Variants in UTP18 observed in about 807,000 individuals in gnomAD.
UTP18 encodes the protein U3 small nucleolar RNA-associated protein 18 homolog.
A neutral mutation model predicts 61.1 loss-of-function variants in UTP18; 36 were observed. That is an observed-to-expected ratio of 0.59 (90% CI 0.45 to 0.78). UTP18 has a LOEUF of 0.78. Ranked by LOEUF, UTP18 falls within the 30% of genes least tolerant of loss-of-function variation. UTP18 has a pLI of 0.00. For synonymous variants in UTP18, 282 were observed against 251.1 expected, an observed-to-expected ratio of 1.12 and a Z score of -1.16; for missense variants, 753 against 693.9, an observed-to-expected ratio of 1.09 and a Z score of -0.96.
At chr17:51,278,100 GTTTATC>G (rs1410098895) in intron 7 of UTP18, among the ~76,000 whole-genome samples, 1 of 152,166 alleles carries the variant, frequency 6.6e-6, no homozygotes, top group Admixed American at 6.5e-5. Context: ...CATTTATGAT[GTTTATC>G]TTTAGCATTT....
At chr17:51,283,734 C>T (rs549742674) in intron 9 of UTP18, among the ~76,000 whole-genome samples, 2 of 152,026 alleles carry the variant, frequency 1.3e-5, no homozygotes, top group South Asian at 2.1e-4. Context: ...ATGCCTCAGC[C>T]TCCCCGAGTA....
intron 12 of UTP18, among the ~76,000 whole-genome samples, chr17:51,294,373 T>C (rs1905306936): frequency 8.2e-6 from 1 of 121,676 alleles, no homozygotes; most frequent in African/African-American, 3.1e-5. Context: ...CAACAGTACC[T>C]GGAGTGTCAT....
chr17:51,280,206 G>A (rs1292138735), intron 8 of UTP18, 101 bp downstream of exon 8: 2 of 1,351,282 alleles, frequency 1.5e-6, no homozygotes, highest in East Asian at 2.5e-5. Context: ...GCATCTCCAA[G>A]TAGAGGAGCA....
At chr17:51,288,390 TTATGTCAC>T (rs1481954420) in intron 11 of UTP18, among the ~76,000 whole-genome samples, 187 bp downstream of exon 11, 2 of 152,236 alleles carry the variant, frequency 1.3e-5, no homozygotes, top group Admixed American at 6.5e-5. Context: ...CCACATTTGA[TTATGTCAC>T]TTCTTTCAGT....
At chr17:51,280,164 C>A in intron 8 of UTP18, 59 bp downstream of exon 8, 1 of 1,521,532 alleles carries the variant, frequency 6.6e-7, no homozygotes, top group Non-Finnish European at 9.1e-7. Context: ...TAGGGATAGT[C>A]TTGCACCTTA....
chr17:51,279,192 T>C (rs1194666274), intron 7 of UTP18, among the ~76,000 whole-genome samples: 1 of 152,242 alleles, frequency 6.6e-6, no homozygotes, highest in African/African-American at 2.4e-5. Flanking sequence ...AACTCTCTTC[T>C]GCTCTGTCTC....
At position 51,264,130 on chromosome 17, in the gene UTP18, G is replaced by A. The variant is rs573695772; in HGVS notation, c.455+744G>A. Among the ~76,000 whole-genome samples, 55 of 151,504 alleles carry A rather than the reference G, an allele frequency of 3.6e-4. No homozygotes were observed. The East Asian group carries it at 8.6e-3, about 24-fold the overall frequency. On this transcript the variant is annotated intron_variant, in intron 2 of 13. Transcript: ENST00000225298. The stretch of plus-strand genomic sequence containing the variant: ...TGGTTCACTGCAACCTCTGCCTCCT[G>A]GGTTCAAGCGATTCTCCTGCCTCAG...
chr17:51,284,121 T>A (rs539354776), intron 9 of UTP18, among the ~76,000 whole-genome samples: 98 of 152,360 alleles, frequency 6.4e-4, no homozygotes, highest in Non-Finnish European at 1.3e-3. Context: ...TTTTCCCAAA[T>A]GTGTTTTACT....
At chr17:51,286,378 C>A (rs961887135) in intron 10 of UTP18, 27 of 427,866 alleles carry the variant, frequency 6.3e-5, no homozygotes, top group Non-Finnish European at 9.9e-5. Context: ...ACAATTGAGC[C>A]ATGAAATGAT....
intron 10 of UTP18, among the ~76,000 whole-genome samples, chr17:51,286,931 CTCA>C (rs1254140008): frequency 1.3e-5 from 2 of 151,782 alleles, no homozygotes; most frequent in African/African-American, 2.4e-5. Flanking sequence ...CACCCATTAA[CTCA>C]TCATTTAGCA....
Position 51,286,984 on chromosome 17 carries a change from C to CG in UTP18, c.1329-1045_1329-1044insG, listed in dbSNP as rs974788926. Among the ~76,000 whole-genome samples, 14 of 145,062 alleles carry CG rather than the reference C, an allele frequency of 9.7e-5. 1 individual carries two copies. Among genetic ancestry groups the CG allele is most frequent in the South Asian group, 2.2e-4 (1 of 4,476 alleles). On this transcript the variant is annotated intron_variant, in intron 10 of 13. Coordinates refer to ENST00000225298, the MANE Select transcript of UTP18 (RefSeq NM_016001.3). The stretch of plus-strand genomic sequence containing the variant: ...TAATGCTATCCCTCCCCCTTCCCCC[C>CG]CCGACCCACAGGCCCCGGTATGTGA...
In UTP18 at chr17:51,260,869, C is replaced by T. The variant is rs770888234; in HGVS notation, c.285C>T (p.Val95=). ...PAVERCLEEL[V]FGDVENDEDA... is the part of the protein sequence containing the mutation. ...TGGAGCGGTGCTTGGAGGAGCTGGT[C>T]TTCGGCGACGTCGAGAACGACGAGG... The change falls in exon 1 of 14, where the codon GTC becomes GTT. Residue 95 remains valine (V), a synonymous_variant. Coordinates refer to ENST00000225298, the MANE Select transcript of UTP18 (RefSeq NM_016001.3). 7.5e-6 allele frequency: 12 copies of T among 1,601,914 alleles called. No individual in the cohort carries two copies. The East Asian group carries it at 2.7e-4, about 36-fold the overall frequency.
rs113022887 is a variant in UTP18, at chr17:51,284,467, C to T, written c.1205-778C>T. 4.8e-3 allele frequency among the ~76,000 whole-genome samples: 728 copies of T among 151,934 alleles called. 7 individuals carry two copies. Among genetic ancestry groups the T allele is most frequent in the African/African-American group, 0.016 (673 of 41,450 alleles). On this transcript the variant is annotated intron_variant, in intron 9 of 13. Coordinates refer to ENST00000225298, the MANE Select transcript of UTP18 (RefSeq NM_016001.3). ...ATTATAAATTCCCGTGTTCTGGATC[C>T]GTTCATTTTTCACTTCTTCCTCTTC...
chr17:51,281,765 TTATTCC>T (rs1904935256), intron 9 of UTP18, among the ~76,000 whole-genome samples: 1 of 152,238 alleles, frequency 6.6e-6, no homozygotes, highest in Non-Finnish European at 1.5e-5. Flanking sequence ...GTTTTCTGTA[TTATTCC>T]TTACAGTGTG....
chr17:51,277,342 C>T (rs1289877399), intron 7 of UTP18, 38 bp downstream of exon 7: 6 of 1,603,988 alleles, frequency 3.7e-6, no homozygotes, highest in Non-Finnish European at 4.3e-6. Flanking sequence ...CAGTCATTCC[C>T]CCCAAGGTGA....
chr17:51,274,274 T>C (rs1904639817), intron 5 of UTP18, among the ~76,000 whole-genome samples: 1 of 152,248 alleles, frequency 6.6e-6, no homozygotes, highest in Non-Finnish European at 1.5e-5. Context: ...TAAAGTGGTC[T>C]ACACTATTCA....
At chr17:51,281,164 A>ATTTTT (rs1555555693) in intron 9 of UTP18, among the ~76,000 whole-genome samples, 11 of 140,436 alleles carry the variant, frequency 7.8e-5, no homozygotes, top group Admixed American at 2.1e-4. Flanking sequence ...ATATATATAT[A>ATTTTT]TTTTTTTTAA....
In UTP18 at chr17:51,260,768, G is replaced by A. The variant is rs1234453819; in HGVS notation, c.184G>A (p.Ala62Thr). Residue 62 changes from alanine to threonine, a missense_variant, in exon 1 of 14, where the codon GCA (alanine) becomes ACA (threonine). Ala to Thr is a moderately conservative substitution (Grantham distance 58, BLOSUM62 0). Transcript: ENST00000225298. Reference sequence around the variant, plus strand: ...GCCGAGCGCGGCGGCCGCTGCGATTGCAGTCGCGGCGGCGGAGGAAGAGAG... The same window carrying A: ...GCCGAGCGCGGCGGCCGCTGCGATTACAGTCGCGGCGGCGGAGGAAGAGAG... ...ARPSAAAAAI[A>T]VAAAEEERRL... 3.8e-6 allele frequency: 6 copies of A among 1,580,472 alleles called. No individual in the cohort carries two copies. The highest frequency in any genetic ancestry group is 1.9e-5 in the Admixed American group (1 of 53,866).
intron 5 of UTP18, 46 bp from the exon 6 acceptor site, chr17:51,275,820 G>A (rs751990181): frequency 6.8e-7 from 1 of 1,479,860 alleles, no homozygotes; most frequent in Non-Finnish European, 9.0e-7. Flanking sequence ...AGAAAATAAT[G>A]TTTATTCATT....
Sources: allele counts gnomAD v4.1 joint callset (sites outside exome capture counted in the v4.1 genomes callset), GRCh38; gene constraint gnomAD v4.1.1; transcripts MANE v1.5; gene names NCBI Gene and HGNC (gene_info 2026-07-23, HGNC 2026-07-21).